SNRPA1: variants seen among roughly 807,000 people sequenced by gnomAD.
The protein encoded by SNRPA1 is small nuclear ribonucleoprotein polypeptide A'.
In SNRPA1, 5 loss-of-function variants were observed where a neutral mutation model predicts 32.3. That is an observed-to-expected ratio of 0.15 (90% CI 0.08 to 0.33). SNRPA1 has a LOEUF of 0.33. SNRPA1 is among the 10% of genes least tolerant of loss of function. The pLI is 1.00. For missense variants in SNRPA1, 198 were observed against 311.1 expected (o/e 0.64, Z 2.74); for synonymous variants, 111 against 120.1 (o/e 0.92, Z 0.50).
rs113179371 is a variant in SNRPA1, at chr15:101,293,361, G to C, written c.83-189C>G. The C allele has an allele frequency of 1.2e-3, 565 of 457,882 alleles. 3 individuals carry two copies. Among genetic ancestry groups the C allele is most frequent in the African/African-American group, 0.01 (504 of 50,120 alleles). The allele number at this position is 457,882 out of a possible 1,614,324, so 28.4% of individuals were successfully genotyped here. A position where few individuals can be genotyped will look rare whatever the true frequency, so the allele number is the denominator to read the frequency against. On this transcript the variant is annotated intron_variant, in intron 1 of 8. Coordinates refer to ENST00000254193, the MANE Select transcript of SNRPA1 (RefSeq NM_003090.4). ...ATACTAGAGAGAAAACGCTGAACGA[G>C]TCTCAAGTCCCCAGTGCCATGAAGC...
intron 3 of SNRPA1, chr15:101,288,065 G>GT (rs2039475085): frequency 4.4e-6 from 1 of 229,882 alleles, no homozygotes; most frequent in Non-Finnish European, 8.9e-6. Flanking sequence ...GAATCTTGGT[G>GT]TAAGTGGGCT....
At chr15:101,287,865 T>C (rs1457006402) in intron 3 of SNRPA1, 163 bp from the exon 4 acceptor site, 1 of 627,350 alleles carries the variant, frequency 1.6e-6, no homozygotes, top group East Asian at 2.8e-5. Flanking sequence ...TTAAATAATT[T>C]CTACCGATGA....
intron 6 of SNRPA1, 54 bp from the exon 7 acceptor site, chr15:101,285,855 T>C (rs936062336): frequency 7.3e-7 from 1 of 1,374,080 alleles, no homozygotes; most frequent in South Asian, 1.2e-5. Context: ...AAGTTGCTTC[T>C]CTTTTACTTT....
chr15:101,284,167 C>T (rs2039428252), intron 8 of SNRPA1, among the ~76,000 whole-genome samples: 3 of 152,204 alleles, frequency 2.0e-5, no homozygotes, highest in African/African-American at 4.8e-5. Flanking sequence ...ATCAAAAACT[C>T]GCTAATGTTG....
intron 1 of SNRPA1, chr15:101,293,401 CAACAAG>C (rs1436298293): frequency 5.2e-6 from 2 of 382,456 alleles, no homozygotes; most frequent in African/African-American, 2.1e-5. Context: ...AATCTGATGA[CAACAAG>C]GACAAGGACA....
At chr15:101,290,530 G>A (rs1486063881) in intron 3 of SNRPA1, among the ~76,000 whole-genome samples, 6 of 151,830 alleles carry the variant, frequency 4.0e-5, no homozygotes, top group Non-Finnish European at 7.4e-5. Flanking sequence ...TCAACAATCA[G>A]GAAAATACGG....
intron 8 of SNRPA1, among the ~76,000 whole-genome samples, chr15:101,282,553 T>C (rs2039408234): frequency 6.6e-6 from 1 of 152,254 alleles, no homozygotes. Context: ...CAAGGTTAGA[T>C]GGCAGTGTAA....
Position 101,292,024 on chromosome 15 carries a change from G to C in SNRPA1, c.247C>G (p.Leu83Val), listed in dbSNP as rs768641217. The C allele has an allele frequency of 6.2e-7, 1 of 1,611,212 alleles. No homozygotes were observed. The highest frequency in any genetic ancestry group is 8.5e-7 in the Non-Finnish European group (1 of 1,177,448). Residue 83 changes from leucine to valine, a missense_variant, in exon 3 of 9, where the codon CTT becomes GTT. Physicochemically the swap from Leu to Val is conservative, Grantham distance 32 (BLOSUM62 1). This residue lies in a region of SNRPA1 where 119 missense variants were observed against 171.6 expected (regional missense o/e 0.69). Transcript: ENST00000254193. ...NNRICRIGEG[L>V]DQALPCLTEL... Reference sequence around the variant, plus strand: ...GTCAGACAGGGCAGAGCCTGATCAAGTCCCTCACCTATACGGCTAAAATAA... The same window carrying C: ...GTCAGACAGGGCAGAGCCTGATCAACTCCCTCACCTATACGGCTAAAATAA...
chr15:101,286,089 C>A, intron 6 of SNRPA1, 125 bp downstream of exon 6: 1 of 798,848 alleles, frequency 1.3e-6, no homozygotes. Context: ...ACTATAAGCA[C>A]TCAAATTTAA....
In SNRPA1 at chr15:101,284,036, C is replaced by T. The variant is rs79168700; in HGVS notation, c.709+931G>A. ...AAGACGGCAGTCTGAGTGGCTGTCCCCAGTTACATTCATATCAAAACTTGT... is the reference window on the plus strand; with the variant it reads ...AAGACGGCAGTCTGAGTGGCTGTCCTCAGTTACATTCATATCAAAACTTGT... On this transcript the variant is annotated intron_variant, in intron 8 of 8. Coordinates refer to ENST00000254193, the MANE Select transcript of SNRPA1 (RefSeq NM_003090.4). 1.9e-3 allele frequency among the ~76,000 whole-genome samples: 294 copies of T among 152,376 alleles called. 7 individuals carry two copies. The East Asian group carries it at 0.052, about 27-fold the overall frequency.
At chr15:101,287,733 G>C in intron 3 of SNRPA1, 31 bp from the exon 4 acceptor site, 2 of 1,600,330 alleles carry the variant, frequency 1.2e-6, no homozygotes, top group Non-Finnish European at 1.7e-6. Flanking sequence ...GTAAGAACGC[G>C]AATACCACAC....
At position 101,292,297 on chromosome 15, in the gene SNRPA1, T is replaced by G. The variant is rs74041970; in HGVS notation, c.231-257A>C. 9.3e-3 allele frequency among the ~76,000 whole-genome samples: 1,414 copies of G among 152,288 alleles called. 22 individuals carry two copies. The highest frequency in any genetic ancestry group is 0.032 in the African/African-American group (1,317 of 41,552). ...CCTGAGAAAAGGTGCAACTCCTGGG[T>G]GGCACAAACTACTTAACTCACTTCA... On this transcript the variant is annotated intron_variant, in intron 2 of 8. Transcript: ENST00000254193.
Position 101,293,151 on chromosome 15 carries a change from T to C in SNRPA1, c.104A>G (p.Glu35Gly), listed in dbSNP as rs2141315054. The C allele has an allele frequency of 1.2e-6, 2 of 1,609,624 alleles. No homozygotes were observed. Among genetic ancestry groups the C allele is most frequent in the Non-Finnish European group, 1.7e-6 (2 of 1,177,480 alleles). Residue 35 changes from glutamate to glycine, a missense_variant, in exon 2 of 9, where the codon GAA (glutamate) becomes GGA (glycine). By Grantham distance (98) the Glu-to-Gly change is moderately conservative. Around this residue, in one of 3 missense-constraint regions of SNRPA1, gnomAD observed 119 missense variants for 171.6 expected, o/e 0.69. Transcript: ENST00000254193. ...DLRGYKIPVI[E>G]NLGATLDQFD... is the part of the protein sequence containing the mutation. ...CTGGTCTAACGTAGCACCTAGATTTTCAATGACGGGAATTTTATACCCTAT... is the reference window on the plus strand; with the variant it reads ...CTGGTCTAACGTAGCACCTAGATTTCCAATGACGGGAATTTTATACCCTAT...
intron 7 of SNRPA1, 29 bp downstream of exon 7, chr15:101,285,697 C>G: frequency 1.3e-6 from 2 of 1,489,068 alleles, no homozygotes; most frequent in Non-Finnish European, 1.9e-6. Context: ...TTAGCTCATT[C>G]CAGTCCAAGA....
At chr15:101,289,036 G>C (rs567525356) in intron 3 of SNRPA1, among the ~76,000 whole-genome samples, 7 of 152,256 alleles carry the variant, frequency 4.6e-5, no homozygotes, top group Non-Finnish European at 8.8e-5. Context: ...AAAACAGGGA[G>C]AGCAGAGCCA....
chr15:101,290,366 C>A (rs1369363522), intron 3 of SNRPA1, among the ~76,000 whole-genome samples: 1 of 152,130 alleles, frequency 6.6e-6, no homozygotes, highest in Non-Finnish European at 1.5e-5. Context: ...AGACACATTG[C>A]CTATAAATAT....
chr15:101,290,765 C>T (rs1473303435), intron 3 of SNRPA1, among the ~76,000 whole-genome samples: 2 of 132,416 alleles, frequency 1.5e-5, no homozygotes, highest in Non-Finnish European at 3.1e-5. Flanking sequence ...TTTTTTGAGA[C>T]GGAGTCTCTT....
intron 3 of SNRPA1, 56 bp downstream of exon 3, chr15:101,291,906 G>T: frequency 1.9e-6 from 2 of 1,059,144 alleles, no homozygotes; most frequent in Non-Finnish European, 2.9e-6. Context: ...TCTGTAGGAA[G>T]CACATAGTAC....
intron 8 of SNRPA1, among the ~76,000 whole-genome samples, chr15:101,282,479 G>C (rs2039407176): frequency 1.3e-5 from 2 of 152,354 alleles, no homozygotes; most frequent in South Asian, 4.1e-4. Flanking sequence ...TTAACAGCCT[G>C]TGCAGATAAT....
Sources: allele counts gnomAD v4.1 joint callset (sites outside exome capture counted in the v4.1 genomes callset), GRCh38; gene constraint gnomAD v4.1.1; regional missense constraint gnomAD v4.1.1; transcripts MANE v1.5; gene names NCBI Gene and HGNC (gene_info 2026-07-23, HGNC 2026-07-21).